Variants in CHST8 observed in about 807,000 individuals in gnomAD.
CHST8 encodes GALNAC-4-ST1.
Under a neutral mutation model 15.0 loss-of-function variants are expected in CHST8, and 10 were observed. The observed-to-expected ratio is 0.67, with a 90% confidence interval of 0.41 to 1.13. CHST8 has a LOEUF of 1.13. Ranked by LOEUF, CHST8 falls within the 50% of genes most tolerant of loss-of-function variation. The pLI is 0.00. For synonymous variants in CHST8, 259 were observed against 256.6 expected, an observed-to-expected ratio of 1.01 and a Z score of -0.09; for missense variants, 634 against 608.2, an observed-to-expected ratio of 1.04 and a Z score of -0.45.
At chr19:33,678,706 T>C (rs1434869761) in intron 2 of CHST8, among the ~76,000 whole-genome samples, 1 of 152,064 alleles carries the variant, frequency 6.6e-6, no homozygotes, top group Non-Finnish European at 1.5e-5. Context: ...ATCTCTGCAC[T>C]CCAGCCTGGG....
chr19:33,770,625 C>A (rs1031385950), intron 3 of CHST8, among the ~76,000 whole-genome samples: 6 of 152,248 alleles, frequency 3.9e-5, no homozygotes, highest in African/African-American at 1.4e-4. Flanking sequence ...GTGAGCCCAG[C>A]CCAGGCATGG....
rs759186157 is a variant in CHST8 at position 33,772,560 on chromosome 19, C to A, written c.772C>A (p.Arg258Ser). 1.9e-6 allele frequency: 3 copies of A among 1,613,976 alleles called. No individual in the cohort carries two copies. Among genetic ancestry groups the A allele is most frequent in the Admixed American group, 3.3e-5 (2 of 60,014 alleles). The change falls in exon 5 of 5, where the codon CGC becomes AGC. Residue 258 changes from arginine to serine, a missense_variant. Coordinates refer to ENST00000650847, the MANE Select transcript of CHST8 (RefSeq NM_001127895.2). ...LSTYTKMLFV[R>S]EPFERLVSAF... ...CACCTACACCAAGATGCTCTTTGTC[C>A]GCGAGCCCTTCGAGAGGCTGGTGTC...
At chr19:33,635,428 C>G (rs978536833) in intron 1 of CHST8, among the ~76,000 whole-genome samples, 1 of 152,064 alleles carries the variant, frequency 6.6e-6, no homozygotes, top group African/African-American at 2.4e-5. Flanking sequence ...TATACACAAC[C>G]CTGACTTAGC....
intron 3 of CHST8, among the ~76,000 whole-genome samples, chr19:33,740,715 C>G (rs2145339365): frequency 6.6e-6 from 1 of 152,318 alleles, no homozygotes; most frequent in South Asian, 2.1e-4. Context: ...GTAAACCTCT[C>G]TAGAGATTAG....
chr19:33,685,880 G>A (rs917159122), intron 2 of CHST8, among the ~76,000 whole-genome samples: 5 of 152,158 alleles, frequency 3.3e-5, no homozygotes, highest in South Asian at 2.1e-4. Context: ...GGGATCTGTC[G>A]GTGACCACCC....
At chr19:33,768,254 C>A (rs1974891324) in intron 3 of CHST8, among the ~76,000 whole-genome samples, 1 of 152,036 alleles carries the variant, frequency 6.6e-6, no homozygotes, top group African/African-American at 2.4e-5. Flanking sequence ...CTTTAGATTT[C>A]CTTCATTACG....
At chr19:33,720,245 C>T (rs1352610406) in intron 3 of CHST8, among the ~76,000 whole-genome samples, 3 of 151,860 alleles carry the variant, frequency 2.0e-5, no homozygotes, top group Non-Finnish European at 2.9e-5. Context: ...ATACCCCATA[C>T]ACACGCCACA....
chr19:33,764,923 T>G (rs958275875), intron 3 of CHST8, among the ~76,000 whole-genome samples: 1 of 152,004 alleles, frequency 6.6e-6, no homozygotes, highest in African/African-American at 2.4e-5. Flanking sequence ...CTCCCACTTA[T>G]GAATGAGAAC....
intron 3 of CHST8, among the ~76,000 whole-genome samples, chr19:33,731,359 CT>C (rs1343598526): frequency 6.6e-6 from 1 of 152,178 alleles, no homozygotes; most frequent in Non-Finnish European, 1.5e-5. Flanking sequence ...GGTTTCTCCC[CT>C]TTTTAGACCA....
chr19:33,758,450 C>T (rs1266994441), intron 3 of CHST8, among the ~76,000 whole-genome samples: 1 of 152,220 alleles, frequency 6.6e-6, no homozygotes, highest in East Asian at 1.9e-4. Context: ...CCACCCAGGC[C>T]AGAGCGGCCT....
At chr19:33,666,060 C>A (rs1024497337) in intron 1 of CHST8, among the ~76,000 whole-genome samples, 3 of 152,212 alleles carry the variant, frequency 2.0e-5, no homozygotes, top group Admixed American at 6.5e-5. Flanking sequence ...TGTGCAGGTG[C>A]CTTGGGGCCT....
At chr19:33,681,710 A>G (rs902331381) in intron 2 of CHST8, among the ~76,000 whole-genome samples, 2 of 152,140 alleles carry the variant, frequency 1.3e-5, no homozygotes, top group Non-Finnish European at 2.9e-5. Flanking sequence ...TTGGATGAGG[A>G]CTGATTCTGA....
intron 2 of CHST8, among the ~76,000 whole-genome samples, chr19:33,686,780 C>T (rs1568327364): frequency 6.6e-6 from 1 of 152,258 alleles, no homozygotes; most frequent in Non-Finnish European, 1.5e-5. Context: ...GCGACAGTTG[C>T]TTTCCAGCTG....
chr19:33,678,177 G>T (rs1271862695), intron 2 of CHST8, among the ~76,000 whole-genome samples: 2 of 152,184 alleles, frequency 1.3e-5, no homozygotes, highest in African/African-American at 4.8e-5. Context: ...CTGGGGTGGA[G>T]GAGACTTGGA....
chr19:33,672,398 A>G lies in CHST8; in HGVS notation c.-87+4555A>G, dbSNP rs145458258. Among the ~76,000 whole-genome samples the G allele has an allele frequency of 8.2e-3, 1,254 of 152,210 alleles. 10 individuals are homozygous for G. The highest frequency in any genetic ancestry group is 0.029 in the African/African-American group (1,211 of 41,510). On this transcript the variant is annotated intron_variant, in intron 2 of 4. Transcript: ENST00000650847. ...TTTTTTGTAGAGATGGGGTATCACC[A>G]TGTTGGCCAGGCTGGTCTCAAACTC...
At chr19:33,682,187 G>GTTT (rs869056900) in intron 2 of CHST8, among the ~76,000 whole-genome samples, 1,341 of 94,974 alleles carry the variant, frequency 0.014, 11 homozygotes, top group African/African-American at 0.018. Flanking sequence ...TTTTGTTGTT[G>GTTT]TTTTTTTTTT....
intron 3 of CHST8, among the ~76,000 whole-genome samples, chr19:33,717,185 G>A (rs1055264166): frequency 6.6e-6 from 1 of 152,222 alleles, no homozygotes; most frequent in African/African-American, 2.4e-5. Flanking sequence ...CTCTGGCTGG[G>A]TGAGGTGGCT....
intron 3 of CHST8, 91 bp downstream of exon 3, chr19:33,689,482 G>A: frequency 7.3e-7 from 1 of 1,374,558 alleles, no homozygotes; most frequent in Non-Finnish European, 9.6e-7. Flanking sequence ...TGCTGGGCTT[G>A]GGGGAAAGGG....
At chr19:33,675,091 T>C (rs1972792148) in intron 2 of CHST8, among the ~76,000 whole-genome samples, 1 of 152,142 alleles carries the variant, frequency 6.6e-6, no homozygotes, top group African/African-American at 2.4e-5. Flanking sequence ...GGAGTGAATG[T>C]GTAGTGGGCC....
Sources: gnomAD v4.1 joint callset for allele counts (sites outside exome capture counted in the v4.1 genomes callset) on GRCh38, gnomAD v4.1.1 for gene constraint, MANE v1.5 for transcripts, NCBI Gene and HGNC (gene_info 2026-07-23, HGNC 2026-07-21) for gene names.